UNC80: variants seen among roughly 807,000 people sequenced by gnomAD.
UNC80 encodes the protein unc-80 subunit of NALCN channel complex, also known as protein unc-80 homolog.
A neutral mutation model predicts 384.6 loss-of-function variants in UNC80; 164 were observed. The observed-to-expected ratio is 0.43, with a 90% CI of 0.38 to 0.49. The LOEUF (loss-of-function observed/expected upper bound fraction) is 0.49. Among genes scored for constraint, UNC80 ranks in the 20% least tolerant of loss-of-function variants. UNC80 has a pLI of 0.00. For synonymous variants in UNC80, 1,486 were observed against 1,527.8 expected (o/e 0.97, Z 0.64); for missense variants, 3,330 against 4,143.0 (o/e 0.80, Z 5.39).
Position 209,896,298 on chromosome 2 carries a change from A to G in UNC80, c.4481-15A>G. The G allele has an allele frequency of 6.5e-7, 1 of 1,550,270 alleles. No individual in the cohort carries two copies. Among genetic ancestry groups the G allele is most frequent in the South Asian group, 1.2e-5 (1 of 84,030 alleles). ...ACCGAACACTGAAACCTTTCTTGGT[A>G]TTTTTCTTTTGAAGAAGGGAGTCCT... On this transcript the variant is annotated splice_polypyrimidine_tract_variant and intron_variant, in intron 27 of 64. Transcript: ENST00000673920.
chr2:209,793,285 A>C (rs1421589841), intron 6 of UNC80, among the ~76,000 whole-genome samples: 1 of 152,190 alleles, frequency 6.6e-6, no homozygotes, highest in Non-Finnish European at 1.5e-5. Context: ...TGAATGAAGG[A>C]AAAGTTAACC....
intron 36 of UNC80, among the ~76,000 whole-genome samples, chr2:209,928,942 GC>G (rs1371171025): frequency 6.6e-6 from 1 of 151,990 alleles, no homozygotes; most frequent in Non-Finnish European, 1.5e-5. Context: ...GTTTTCCTGT[GC>G]CTGGCTTATT....
intron 35 of UNC80, among the ~76,000 whole-genome samples, chr2:209,926,336 C>T (rs6435546): frequency 1.3e-3 from 195 of 152,316 alleles, no homozygotes; most frequent in African/African-American, 4.4e-3. Flanking sequence ...TAATAGTACT[C>T]GGAAAGTGGG....
Position 209,945,093 on chromosome 2 carries a change from T to C in UNC80, c.7093T>C (p.Cys2365Arg), listed in dbSNP as rs1249065016. ...GCCCAGCAAAGGTGTGTCAGCTCAG[T>C]GCCTGTTTGACTTGCTGCAGTCCCT... ...NGPSKGVSAQ[C>R]LFDLLQSLEG... The change falls in exon 46 of 65, where the codon TGC becomes CGC. Residue 2365 changes from cysteine to arginine, a missense_variant. Transcript: ENST00000673920. The C allele has an allele frequency of 3.2e-6, 5 of 1,551,834 alleles. No homozygotes were observed. The highest frequency in any genetic ancestry group is 1.4e-5 in the African/African-American group (1 of 73,166).
At chr2:209,913,251 T>C (rs1221665008) in intron 30 of UNC80, among the ~76,000 whole-genome samples, 1 of 152,208 alleles carries the variant, frequency 6.6e-6, no homozygotes, top group Non-Finnish European at 1.5e-5. Flanking sequence ...GAATGTGAAA[T>C]GATGATGACT....
rs2079528733 is a variant in UNC80 at position 209,813,727 on chromosome 2, G to C, written c.1086G>C (p.Met362Ile). 1 of 1,551,644 alleles carries C rather than the reference G, an allele frequency of 6.4e-7. No homozygotes were observed. The highest frequency in any genetic ancestry group is 1.4e-5 in the African/African-American group (1 of 73,022). Residue 362 changes from methionine to isoleucine, a missense_variant, in exon 8 of 65, where the codon ATG becomes ATC. Met to Ile is a conservative substitution (Grantham distance 10). Around this residue, in one of 8 missense-constraint regions of UNC80, gnomAD observed 937 missense variants for 1,026.8 expected, o/e 0.91. Transcript: ENST00000673920. ...LMYYLQRLRH[M>I]LEEKPEKPPE... ...ACTATCTACAAAGGCTGCGACACAT[G>C]TTGGAAGAGAAGCCAGAAAAGCCTC...
At chr2:209,809,979 C>T (rs573862383) in intron 7 of UNC80, among the ~76,000 whole-genome samples, 54 of 152,300 alleles carry the variant, frequency 3.5e-4, no homozygotes, top group African/African-American at 1.3e-3. Context: ...AGGGGACCCT[C>T]CCCACTCCTT....
At chr2:209,849,163 C>T (rs1459638484) in intron 21 of UNC80, among the ~76,000 whole-genome samples, 1 of 152,140 alleles carries the variant, frequency 6.6e-6, no homozygotes, top group African/African-American at 2.4e-5. Flanking sequence ...ACACCAAAAG[C>T]TCTTACTAGT....
intron 39 of UNC80, among the ~76,000 whole-genome samples, chr2:209,935,471 T>A (rs1225014368): frequency 2.0e-5 from 3 of 151,970 alleles, no homozygotes; most frequent in East Asian, 1.9e-4. Context: ...AAAATAAAAA[T>A]TTTTTAAAAG....
intron 13 of UNC80, among the ~76,000 whole-genome samples, chr2:209,825,650 C>G (rs1398662621): frequency 6.6e-6 from 1 of 152,126 alleles, no homozygotes; most frequent in African/African-American, 2.4e-5. Context: ...AGCATGTCTT[C>G]TAACAGAGAA....
intron 25 of UNC80, among the ~76,000 whole-genome samples, chr2:209,881,964 C>CTTTTT (rs34822717): frequency 6.1e-5 from 8 of 131,204 alleles, no homozygotes; most frequent in African/African-American, 2.0e-4. Context: ...ACCTCTCCTT[C>CTTTTT]TTTTTTTTTT....
chr2:209,915,373 C>G (rs1290424187), intron 31 of UNC80, among the ~76,000 whole-genome samples: 1 of 147,130 alleles, frequency 6.8e-6, no homozygotes, highest in Non-Finnish European at 1.5e-5. Flanking sequence ...CCACTGCACT[C>G]CAGCCTGGGC....
At chr2:209,883,597 A>AT (rs1022846335) in intron 25 of UNC80, among the ~76,000 whole-genome samples, 1 of 151,262 alleles carries the variant, frequency 6.6e-6, no homozygotes, top group African/African-American at 2.4e-5. Flanking sequence ...TGCCCAGCTA[A>AT]TTTTTTTTAT....
intron 26 of UNC80, among the ~76,000 whole-genome samples, chr2:209,893,077 T>C (rs1362462129): frequency 6.6e-6 from 1 of 152,248 alleles, no homozygotes; most frequent in Non-Finnish European, 1.5e-5. Flanking sequence ...ATTTAGCTAA[T>C]GTTTTCGTTA....
chr2:209,888,027 G>C (rs1439212097), intron 25 of UNC80, 68 bp from the exon 26 acceptor site: 1 of 1,480,008 alleles, frequency 6.8e-7, no homozygotes, highest in Non-Finnish European at 9.1e-7. Context: ...ATGGTGGGAG[G>C]CTTGCCGCGA....
intron 2 of UNC80, among the ~76,000 whole-genome samples, chr2:209,773,980 A>T (rs1417437038): frequency 6.6e-6 from 1 of 152,236 alleles, no homozygotes; most frequent in East Asian, 1.9e-4. Context: ...AGCAAAATTG[A>T]AATGGACTTT....
chr2:209,826,301 A>T (rs1256911262), intron 14 of UNC80, among the ~76,000 whole-genome samples: 3 of 152,224 alleles, frequency 2.0e-5, no homozygotes, highest in Non-Finnish European at 4.4e-5. Flanking sequence ...CCAATTAGTG[A>T]AAATATATAT....
chr2:209,940,770 T>C (rs559358216), intron 43 of UNC80, among the ~76,000 whole-genome samples: 34 of 152,212 alleles, frequency 2.2e-4, no homozygotes, highest in African/African-American at 8.2e-4. Context: ...TGAGCCGAGA[T>C]TGCGCCATTG....
intron 15 of UNC80, among the ~76,000 whole-genome samples, 152 bp from the exon 16 acceptor site, chr2:209,831,291 T>C (rs1363125450): frequency 1.3e-5 from 2 of 152,292 alleles, no homozygotes; most frequent in African/African-American, 4.8e-5. Flanking sequence ...CACATCTGCC[T>C]AGAGATTATT....
Sources: allele counts gnomAD v4.1 joint callset (sites outside exome capture counted in the v4.1 genomes callset), GRCh38; gene constraint gnomAD v4.1.1; regional missense constraint gnomAD v4.1.1; transcripts MANE v1.5; gene names NCBI Gene and HGNC (gene_info 2026-07-23, HGNC 2026-07-21).